The following SLC24A2 variants were observed in gnomAD, a reference collection of about 807,000 sequenced individuals.
The protein encoded by SLC24A2 is sodium/potassium/calcium exchanger 2.
A neutral mutation model predicts 62.0 loss-of-function variants in SLC24A2; 36 were observed. That is an observed-to-expected ratio of 0.58 (90% CI 0.44 to 0.77). The LOEUF is 0.77. SLC24A2 is among the 30% of genes least tolerant of loss of function. The pLI, the probability that SLC24A2 is intolerant of heterozygous loss-of-function variation, is 0.00. For missense variants in SLC24A2, 846 were observed against 817.9 expected, an observed-to-expected ratio of 1.03 and a Z score of -0.42; for synonymous variants, 358 against 294.0, an observed-to-expected ratio of 1.22 and a Z score of -2.23.
chr9:19,704,399 G>GAC lies in SLC24A2; in HGVS notation c.930+81537_930+81538insGT, dbSNP rs1363724484. On this transcript the variant is annotated intron_variant, in intron 2 of 10. Coordinates refer to ENST00000341998, the MANE Select transcript of SLC24A2 (RefSeq NM_020344.4). ...AGAGAAGGAAATAGGGAAAGAGAGA[G>GAC]AGAGAGTGTGTGTATGTGCAAGACA... Among the ~76,000 whole-genome samples the GAC allele has an allele frequency of 1.4e-3, 196 of 137,710 alleles. 3 individuals carry two copies. The highest frequency in any genetic ancestry group is 5.1e-3 in the African/African-American group (176 of 34,456). 90.3% of individuals were successfully genotyped at this position (137,710 alleles called of 152,430 possible). A position where few individuals can be genotyped will look rare whatever the true frequency, so the allele number is the denominator to read the frequency against.
chr9:20,170,395 A>G, the SLC24A2 span, among the ~76,000 whole-genome samples: 1 of 151,922 alleles, frequency 6.6e-6, no homozygotes, highest in Non-Finnish European at 1.5e-5. Flanking sequence ...CCTTAACACA[A>G]TCCCTACCTC....
chr9:19,979,406 G>C, the SLC24A2 span, among the ~76,000 whole-genome samples: 1 of 152,148 alleles, frequency 6.6e-6, no homozygotes, highest in African/African-American at 2.4e-5. Context: ...GAGATGCAAA[G>C]TATGTACATA....
chr9:19,788,231 G>T (rs956405115), intron 1 of SLC24A2, among the ~76,000 whole-genome samples: 1 of 152,196 alleles, frequency 6.6e-6, no homozygotes, highest in African/African-American at 2.4e-5. Flanking sequence ...CCCCATCACG[G>T]AGATTCCCAG....
At chr9:19,531,548 CAGAGTG>C (rs1563937402) in intron 8 of SLC24A2, among the ~76,000 whole-genome samples, 1 of 152,164 alleles carries the variant, frequency 6.6e-6, no homozygotes, top group Non-Finnish European at 1.5e-5. Context: ...TTTGGTACAT[CAGAGTG>C]ATATCGGCTT....
the SLC24A2 span, among the ~76,000 whole-genome samples, chr9:20,029,540 C>G: frequency 4.8e-3 from 728 of 152,260 alleles, 9 homozygotes; most frequent in African/African-American, 0.017. Flanking sequence ...GATATTCTCA[C>G]CCCACAGTAC....
At chr9:19,750,536 G>A (rs1380292350) in intron 2 of SLC24A2, among the ~76,000 whole-genome samples, 1 of 151,960 alleles carries the variant, frequency 6.6e-6, no homozygotes, top group Non-Finnish European at 1.5e-5. Context: ...AGTCATCATT[G>A]TCTCTGATCT....
At chr9:19,906,047 C>T in the SLC24A2 span, among the ~76,000 whole-genome samples, 3 of 152,166 alleles carry the variant, frequency 2.0e-5, no homozygotes, top group Admixed American at 6.5e-5. Flanking sequence ...CCACACCACA[C>T]CTATTCCAAA....
intron 5 of SLC24A2, among the ~76,000 whole-genome samples, chr9:19,580,301 T>C (rs1294120338): frequency 1.3e-5 from 2 of 152,232 alleles, no homozygotes; most frequent in Non-Finnish European, 2.9e-5. Flanking sequence ...GATTTTCCGT[T>C]AAAGATTAGT....
In SLC24A2 at chr9:19,731,825, C is replaced by G. The variant is rs371146547; in HGVS notation, c.930+54112G>C. Among the ~76,000 whole-genome samples the G allele has an allele frequency of 1.8e-4, 27 of 152,304 alleles. No homozygotes were observed. In the East Asian group the frequency reaches 4.6e-3, roughly 26 times the overall value. ...TGCAGGCTGCCCACACTTTTCTTTGCACAGCAACCTGTTAGCAGGACCTCA... is the reference window on the plus strand; with the variant it reads ...TGCAGGCTGCCCACACTTTTCTTTGGACAGCAACCTGTTAGCAGGACCTCA... On this transcript the variant is annotated intron_variant, in intron 2 of 10. Coordinates refer to ENST00000341998, the MANE Select transcript of SLC24A2 (RefSeq NM_020344.4).
At chr9:19,878,508 G>T in the SLC24A2 span, among the ~76,000 whole-genome samples, 1 of 152,096 alleles carries the variant, frequency 6.6e-6, no homozygotes, top group African/African-American at 2.4e-5. Context: ...GTTTAGATTC[G>T]TGTCCCCACC....
At chr9:19,801,601 G>A in the SLC24A2 span, among the ~76,000 whole-genome samples, 3 of 152,206 alleles carry the variant, frequency 2.0e-5, no homozygotes, top group Non-Finnish European at 4.4e-5. Flanking sequence ...CCTGATCATT[G>A]TCTCTCCCAC....
intron 9 of SLC24A2, among the ~76,000 whole-genome samples, chr9:19,525,647 G>A (rs1833413230): frequency 6.6e-6 from 1 of 151,202 alleles, no homozygotes; most frequent in South Asian, 2.1e-4. Flanking sequence ...CAAGGGATCT[G>A]CCTGCCTCAG....
At chr9:20,005,385 A>C in the SLC24A2 span, among the ~76,000 whole-genome samples, 1 of 152,182 alleles carries the variant, frequency 6.6e-6, no homozygotes, top group Non-Finnish European at 1.5e-5. Context: ...CTCTGTGTCT[A>C]ATATTGTGCT....
chr9:19,953,100 G>A, the SLC24A2 span, among the ~76,000 whole-genome samples: 2 of 151,812 alleles, frequency 1.3e-5, no homozygotes, highest in East Asian at 1.9e-4. Flanking sequence ...AATGTATTTA[G>A]CATCTGTATC....
the SLC24A2 span, among the ~76,000 whole-genome samples, chr9:19,827,513 TAA>T: frequency 2.0e-5 from 3 of 151,456 alleles, no homozygotes; most frequent in Middle Eastern, 3.4e-3. Context: ...TATATATATA[TAA>T]AAATTAGCTT....
chr9:19,786,965 G>T lies in SLC24A2; in HGVS notation c.-99C>A. The T allele has an allele frequency of 1.3e-6, 2 of 1,506,840 alleles. No homozygotes were observed. The highest frequency in any genetic ancestry group is 1.3e-5 in the South Asian group (1 of 74,348). The allele number at this position is 1,506,840 out of a possible 1,614,324, so 93.3% of individuals were successfully genotyped here. On this transcript the variant is annotated 5_prime_UTR_variant, in exon 2 of 11. Coordinates refer to ENST00000341998, the MANE Select transcript of SLC24A2 (RefSeq NM_020344.4). This position sits in a 1 kb window ranked among gnomAD's most constrained non-coding sequence, Gnocchi z 5.0. ...ACTTTATAGTTAACGATGCTTGTGG[G>T]GTACTTTCACAATCAGGGATTGTTA...
At chr9:20,292,442 C>T in the SLC24A2 span, among the ~76,000 whole-genome samples, 1 of 152,158 alleles carries the variant, frequency 6.6e-6, no homozygotes, top group East Asian at 1.9e-4. Flanking sequence ...CTTCTTAAGT[C>T]TCCAATTCAC....
chr9:20,260,804 C>T, the SLC24A2 span, among the ~76,000 whole-genome samples: 1 of 150,856 alleles, frequency 6.6e-6, no homozygotes, highest in Non-Finnish European at 1.5e-5. Context: ...CTCACCACCC[C>T]TCACCCTTTC....
chr9:20,170,555 G>A, the SLC24A2 span, among the ~76,000 whole-genome samples: 3 of 151,976 alleles, frequency 2.0e-5, no homozygotes, highest in African/African-American at 7.2e-5. Context: ...GGGAAAAATG[G>A]GTGCAGGTAA....
Sources: allele counts gnomAD v4.1 joint callset (sites outside exome capture counted in the v4.1 genomes callset), GRCh38; gene constraint gnomAD v4.1.1; non-coding constraint Gnocchi (gnomAD v3.1); transcripts MANE v1.5; gene names NCBI Gene and HGNC (gene_info 2026-07-23, HGNC 2026-07-21).